PDZRN4: variants seen among roughly 807,000 people sequenced by gnomAD.
PDZRN4 encodes PDZ domain containing ring finger 4.
PDZRN4 carries 70 observed loss-of-function variants against 99.0 expected under a neutral mutation model. The observed-to-expected ratio is 0.71, with a 90% CI of 0.58 to 0.86. The LOEUF (loss-of-function observed/expected upper bound fraction) is 0.86, where lower values mean the gene tolerates loss of function less well. Ranked by LOEUF, PDZRN4 falls within the 40% of genes least tolerant of loss-of-function variation. The probability of loss-of-function intolerance (pLI) is 0.00; values close to 1 mark genes in which losing one functional copy is unlikely to be tolerated. For missense variants in PDZRN4, 1,474 were observed against 1,331.2 expected (o/e 1.11, Z -1.67); for synonymous variants, 551 against 501.6 (o/e 1.10, Z -1.32).
At chr12:41,310,256 T>G (rs1476729713) in intron 3 of PDZRN4, among the ~76,000 whole-genome samples, 7 of 149,962 alleles carry the variant, frequency 4.7e-5, no homozygotes, top group African/African-American at 1.2e-4. Flanking sequence ...TCATTTTTGT[T>G]TGTGTGTGTG....
At chr12:41,428,032 G>A (rs1472475775) in intron 3 of PDZRN4, among the ~76,000 whole-genome samples, 2 of 152,152 alleles carry the variant, frequency 1.3e-5, no homozygotes, top group South Asian at 2.1e-4. Flanking sequence ...AGGTTGTGGT[G>A]AGCCAAGATT....
chr12:41,379,701 G>A (rs1287944797), intron 3 of PDZRN4, among the ~76,000 whole-genome samples: 1 of 150,968 alleles, frequency 6.6e-6, no homozygotes, highest in East Asian at 1.9e-4. Flanking sequence ...TACCATTTTG[G>A]CCCAAAAAGT....
chr12:41,519,117 A>C (rs1938450608), intron 5 of PDZRN4, among the ~76,000 whole-genome samples: 1 of 152,102 alleles, frequency 6.6e-6, no homozygotes, highest in East Asian at 1.9e-4. Flanking sequence ...GTTGAAAAAA[A>C]ACAGATAAGT....
chr12:41,465,174 G>T (rs1952912948), intron 3 of PDZRN4, among the ~76,000 whole-genome samples: 1 of 152,092 alleles, frequency 6.6e-6, no homozygotes, highest in Non-Finnish European at 1.5e-5. Context: ...ATAGCCAACT[G>T]TCATGCCCCT....
intron 3 of PDZRN4, among the ~76,000 whole-genome samples, chr12:41,354,855 C>T (rs565393750): frequency 6.6e-6 from 1 of 152,116 alleles, no homozygotes; most frequent in East Asian, 1.9e-4. Flanking sequence ...TGTAACTTTT[C>T]GGACCTCCTG....
Position 41,506,608 on chromosome 12 carries a change from C to A in PDZRN4, c.996C>A (p.Ala332=). Residue 332 remains alanine, a synonymous_variant, in exon 4 of 10, where the codon GCC becomes GCA. Coordinates refer to ENST00000402685, the MANE Select transcript of PDZRN4 (RefSeq NM_001164595.2). ...CTTCAGAAGTGCAGCTTATGAATGC[C>A]AGCACTCAGACGGACATCACCTTCG... ...GMASEVQLMN[A]STQTDITFEH... 6.2e-7 allele frequency: 1 copy of A among 1,613,892 alleles called. No individual in the cohort carries two copies. Among genetic ancestry groups the A allele is most frequent in the Middle Eastern group, 1.7e-4 (1 of 6,056 alleles).
At chr12:41,387,306 G>A (rs536207432) in intron 3 of PDZRN4, among the ~76,000 whole-genome samples, 14 of 152,150 alleles carry the variant, frequency 9.2e-5, no homozygotes, top group East Asian at 7.7e-4. Flanking sequence ...TGCATAGGCC[G>A]GGTGCAGTGG....
chr12:41,346,272 C>T (rs1036675318), intron 3 of PDZRN4, among the ~76,000 whole-genome samples: 3 of 152,120 alleles, frequency 2.0e-5, no homozygotes, highest in African/African-American at 7.2e-5. Flanking sequence ...ACCATTCTGG[C>T]TAACACGGTG....
At chr12:41,342,816 T>A (rs970552331) in intron 3 of PDZRN4, among the ~76,000 whole-genome samples, 4 of 151,828 alleles carry the variant, frequency 2.6e-5, no homozygotes, top group Non-Finnish European at 5.9e-5. Context: ...CAAAAAATTA[T>A]AAAATAGAAC....
chr12:41,236,311 G>A lies in PDZRN4; in HGVS notation c.843+42123G>A, dbSNP rs530849495. ...CCTTGAAGGAAGTGGCATTTCAGAT[G>A]TGTATGACAGAGTGAGACATAGCAG... On this transcript the variant is annotated intron_variant, in intron 3 of 9. Coordinates refer to ENST00000402685, the MANE Select transcript of PDZRN4 (RefSeq NM_001164595.2). Among the ~76,000 whole-genome samples the A allele has an allele frequency of 2.0e-5, 3 of 152,236 alleles. No individual in the cohort carries two copies. In the East Asian group the frequency reaches 5.8e-4, roughly 29 times the overall value.
At chr12:41,443,902 T>C (rs1952701876) in intron 3 of PDZRN4, among the ~76,000 whole-genome samples, 3 of 152,146 alleles carry the variant, frequency 2.0e-5, no homozygotes. Context: ...TATATGTGTC[T>C]GTTGGATGAG....
At chr12:41,321,616 T>C (rs1320361378) in intron 3 of PDZRN4, among the ~76,000 whole-genome samples, 1 of 152,218 alleles carries the variant, frequency 6.6e-6, no homozygotes, top group Admixed American at 6.5e-5. Flanking sequence ...TTCAGCTCAC[T>C]TGTAGCATCT....
intron 3 of PDZRN4, among the ~76,000 whole-genome samples, chr12:41,199,377 A>G (rs1950799539): frequency 6.6e-6 from 1 of 152,208 alleles, no homozygotes. Context: ...GTGAAAATGT[A>G]GAGAAAAGAG....
chr12:41,529,351 C>T (rs1321873135), intron 5 of PDZRN4, among the ~76,000 whole-genome samples: 1 of 152,080 alleles, frequency 6.6e-6, no homozygotes, highest in Non-Finnish European at 1.5e-5. Context: ...CTTTCCATGG[C>T]CATATTGTCC....
At chr12:41,347,818 G>T (rs1034774823) in intron 3 of PDZRN4, among the ~76,000 whole-genome samples, 4 of 152,108 alleles carry the variant, frequency 2.6e-5, no homozygotes, top group Non-Finnish European at 4.4e-5. Flanking sequence ...CATCTGTAAA[G>T]TGTATCTCAT....
chr12:41,193,937 G>A (rs1322619554), intron 2 of PDZRN4, 144 bp from the exon 3 acceptor site: 2 of 590,156 alleles, frequency 3.4e-6, no homozygotes, highest in Non-Finnish European at 6.0e-6. Flanking sequence ...TTGGTGTTAA[G>A]TAAGTTAAAA....
intron 5 of PDZRN4, among the ~76,000 whole-genome samples, chr12:41,528,668 T>C (rs1938611762): frequency 6.6e-6 from 1 of 152,222 alleles, no homozygotes; most frequent in South Asian, 2.1e-4. Context: ...ATTGTTTGTG[T>C]TGAGAAAACA....
chr12:41,377,552 T>C (rs551596983), intron 3 of PDZRN4, among the ~76,000 whole-genome samples: 2 of 152,184 alleles, frequency 1.3e-5, no homozygotes, highest in East Asian at 3.9e-4. Flanking sequence ...GTAGTCCAGC[T>C]ACTCGGGAGG....
intron 3 of PDZRN4, among the ~76,000 whole-genome samples, chr12:41,371,921 T>C (rs1256004474): frequency 6.6e-6 from 1 of 152,124 alleles, no homozygotes; most frequent in Non-Finnish European, 1.5e-5. Context: ...CATCCAAATC[T>C]GGCTTCAGTA....
Sources: allele counts gnomAD v4.1 joint callset (sites outside exome capture counted in the v4.1 genomes callset), GRCh38; gene constraint gnomAD v4.1.1; transcripts MANE v1.5; gene names NCBI Gene and HGNC (gene_info 2026-07-23, HGNC 2026-07-21).